Variants in SLC39A11 observed in about 807,000 individuals in gnomAD.
SLC39A11 encodes zinc transporter ZIP11.
Under a neutral mutation model 36.1 loss-of-function variants are expected in SLC39A11, and 33 were observed. The observed-to-expected ratio is 0.91, with a 90% CI of 0.69 to 1.22. The LOEUF (loss-of-function observed/expected upper bound fraction) is 1.22, where lower values mean the gene tolerates loss of function less well. Ranked by LOEUF, SLC39A11 falls within the 50% of genes most tolerant of loss-of-function variation. The pLI is 0.00. For synonymous variants in SLC39A11, 166 were observed against 170.3 expected (o/e 0.97, Z 0.20); for missense variants, 432 against 430.3 (o/e 1.00, Z -0.03).
chr17:72,917,157 A>G (rs932487535), intron 5 of SLC39A11, among the ~76,000 whole-genome samples: 1 of 152,222 alleles, frequency 6.6e-6, no homozygotes, highest in Non-Finnish European at 1.5e-5. Context: ...TAACAAACAC[A>G]GCTGTTTCCC....
At chr17:72,937,662 A>C (rs1425036016) in intron 5 of SLC39A11, among the ~76,000 whole-genome samples, 1 of 152,066 alleles carries the variant, frequency 6.6e-6, no homozygotes, top group Non-Finnish European at 1.5e-5. Flanking sequence ...AAACGACCTC[A>C]TATTTGTTTC....
rs773046396 is a variant in SLC39A11 at position 73,018,308 on chromosome 17, C to A, written c.306+13248G>T. 7.9e-5 allele frequency among the ~76,000 whole-genome samples: 12 copies of A among 152,208 alleles called. 2 individuals carry two copies. The highest frequency in any genetic ancestry group is 2.9e-4 in the African/African-American group (12 of 41,522). On this transcript the variant is annotated intron_variant, in intron 4 of 9. Coordinates refer to ENST00000255559, the MANE Select transcript of SLC39A11 (RefSeq NM_139177.4). ...TCATGGTTGTAATCCAGGCACTTTGCGAGGCCAAGGTGGGAAGATTACCTG... is the reference window on the plus strand; with the variant it reads ...TCATGGTTGTAATCCAGGCACTTTGAGAGGCCAAGGTGGGAAGATTACCTG...
rs184137619 is a variant in SLC39A11, at chr17:72,653,136, G to A, written c.672-3868C>T. Among the ~76,000 whole-genome samples, 9 of 146,210 alleles carry A rather than the reference G, an allele frequency of 6.2e-5. No individual in the cohort carries two copies. The East Asian group carries it at 1.6e-3, about 26-fold the overall frequency. ...TTTTTTTTTTTTGAGATGGAGTCTC[G>A]CTCTGTCATCCAGGCTAGAGTGCAC... On this transcript the variant is annotated intron_variant, in intron 7 of 9. Coordinates refer to ENST00000255559, the MANE Select transcript of SLC39A11 (RefSeq NM_139177.4).
chr17:72,980,888 A>G (rs2088251362), intron 4 of SLC39A11, among the ~76,000 whole-genome samples: 1 of 151,992 alleles, frequency 6.6e-6, no homozygotes, highest in Non-Finnish European at 1.5e-5. Flanking sequence ...GCCAGGCATG[A>G]TGGTGGGTGC....
At chr17:73,004,159 GA>G (rs1240978767) in intron 4 of SLC39A11, among the ~76,000 whole-genome samples, 4 of 113,640 alleles carry the variant, frequency 3.5e-5, no homozygotes, top group African/African-American at 7.2e-5. Context: ...AAGAAAGAAG[GA>G]AAAAAAGAAA....
rs545287271 is a variant in SLC39A11 at position 72,984,632 on chromosome 17, C to A, written c.307-36757G>T. ...CAGGCCTCTGGTGGGCCCAGCAACC[C>A]GTGTTTCCGCAAGACCTCCAGGGGA... On this transcript the variant is annotated intron_variant, in intron 4 of 9. Transcript: ENST00000255559. 2.6e-5 allele frequency among the ~76,000 whole-genome samples: 4 copies of A among 152,314 alleles called. No individual in the cohort carries two copies. The South Asian group carries it at 8.3e-4, about 32-fold the overall frequency.
chr17:72,768,107 G>A (rs73352926), intron 6 of SLC39A11, among the ~76,000 whole-genome samples: 2,647 of 152,220 alleles, frequency 0.017, 77 homozygotes, highest in African/African-American at 0.059. Flanking sequence ...AGGTCCAGGT[G>A]GAGCTATGGG....
At chr17:72,922,368 G>A (rs1567958317) in intron 5 of SLC39A11, among the ~76,000 whole-genome samples, 2 of 152,290 alleles carry the variant, frequency 1.3e-5, no homozygotes, top group South Asian at 4.1e-4. Flanking sequence ...AACATATAGT[G>A]CTCTGTGTTG....
chr17:72,724,482 A>T (rs1017480721), intron 7 of SLC39A11, among the ~76,000 whole-genome samples: 1 of 152,148 alleles, frequency 6.6e-6, no homozygotes, highest in African/African-American at 2.4e-5. Context: ...GGAAGCTGAG[A>T]CAATGAGGAA....
At chr17:72,775,198 G>C (rs920103424) in intron 6 of SLC39A11, among the ~76,000 whole-genome samples, 1 of 152,042 alleles carries the variant, frequency 6.6e-6, no homozygotes, top group Non-Finnish European at 1.5e-5. Context: ...CTATAACAGC[G>C]TCTGTGGTCC....
At chr17:73,002,383 T>C (rs1451872811) in intron 4 of SLC39A11, among the ~76,000 whole-genome samples, 2 of 152,160 alleles carry the variant, frequency 1.3e-5, no homozygotes, top group Non-Finnish European at 2.9e-5. Context: ...TCTCAGTCGG[T>C]GGGATGCCAG....
intron 6 of SLC39A11, among the ~76,000 whole-genome samples, chr17:72,808,109 A>G (rs2077320982): frequency 6.6e-6 from 1 of 152,120 alleles, no homozygotes; most frequent in Admixed American, 6.5e-5. Flanking sequence ...TGTTGGGAAA[A>G]CAGGAGTTTC....
At chr17:72,691,596 C>T (rs1454286350) in intron 7 of SLC39A11, among the ~76,000 whole-genome samples, 2 of 152,170 alleles carry the variant, frequency 1.3e-5, no homozygotes, top group African/African-American at 2.4e-5. Context: ...AAAAACAGTA[C>T]ATTAAATAAT....
intron 6 of SLC39A11, among the ~76,000 whole-genome samples, chr17:72,845,422 C>T (rs927225993): frequency 6.6e-6 from 1 of 152,192 alleles, no homozygotes; most frequent in Non-Finnish European, 1.5e-5. Context: ...GCTGTTCCCT[C>T]TGCCTAAAAC....
At chr17:73,030,257 TG>T (rs1439738404) in intron 4 of SLC39A11, among the ~76,000 whole-genome samples, 1 of 152,168 alleles carries the variant, frequency 6.6e-6, no homozygotes, top group Non-Finnish European at 1.5e-5. Context: ...GTCCTTGGTC[TG>T]GGGGGTTGGG....
At chr17:72,753,564 T>C (rs1371209925) in intron 6 of SLC39A11, among the ~76,000 whole-genome samples, 3 of 151,894 alleles carry the variant, frequency 2.0e-5, no homozygotes, top group Non-Finnish European at 1.5e-5. Flanking sequence ...TGCTTTGAAT[T>C]TTTATGTTCT....
chr17:72,678,645 T>G (rs902386304), intron 7 of SLC39A11, among the ~76,000 whole-genome samples: 5 of 151,690 alleles, frequency 3.3e-5, no homozygotes, highest in African/African-American at 1.2e-4. Context: ...GCAAAGGTTG[T>G]AGTGAGCCGA....
chr17:72,729,338 G>A (rs1307518850), intron 7 of SLC39A11, among the ~76,000 whole-genome samples: 1 of 136,674 alleles, frequency 7.3e-6, no homozygotes, highest in African/African-American at 2.7e-5. Context: ...CCTAGGCTCA[G>A]GTGGTCCTCC....
At chr17:72,647,707 T>G (rs774581568) in intron 9 of SLC39A11, 45 bp from the exon 10 acceptor site, 1 of 1,536,036 alleles carries the variant, frequency 6.5e-7, no homozygotes, top group Middle Eastern at 1.7e-4. Flanking sequence ...TAATGATCCC[T>G]GAGGCCACGG....
Sources: gnomAD v4.1 joint callset for allele counts (sites outside exome capture counted in the v4.1 genomes callset) on GRCh38, gnomAD v4.1.1 for gene constraint, MANE v1.5 for transcripts, NCBI Gene and HGNC (gene_info 2026-07-23, HGNC 2026-07-21) for gene names.